Variants in CAMTA1 observed in about 807,000 individuals in gnomAD.
The protein encoded by CAMTA1 is calmodulin binding transcription activator 1.
Under a neutral mutation model 170.9 loss-of-function variants are expected in CAMTA1, and 27 were observed. That is an observed-to-expected ratio of 0.16 (90% CI 0.12 to 0.22). The LOEUF is 0.22. Ranked by LOEUF, CAMTA1 falls within the 10% of genes least tolerant of loss-of-function variation. The pLI is 1.00. For synonymous variants in CAMTA1, 833 were observed against 891.5 expected (o/e 0.93, Z 1.17); for missense variants, 1,619 against 2,217.2 (o/e 0.73, Z 5.42).
At chr1:7,037,646 TG>T (rs1170034422) in intron 3 of CAMTA1, among the ~76,000 whole-genome samples, 2 of 152,124 alleles carry the variant, frequency 1.3e-5, no homozygotes, top group African/African-American at 2.4e-5. Context: ...GAGACTATCC[TG>T]GCTAACACGG....
At chr1:7,027,082 G>C (rs1702124974) in intron 3 of CAMTA1, among the ~76,000 whole-genome samples, 1 of 152,174 alleles carries the variant, frequency 6.6e-6, no homozygotes, top group African/African-American at 2.4e-5. Context: ...GTGAACCATG[G>C]TTGAAGTCTG....
rs143782512 is a variant in CAMTA1, at chr1:7,701,448, C to T, written c.2914+23715C>T. On this transcript the variant is annotated intron_variant, in intron 11 of 22. Transcript: ENST00000303635. The stretch of plus-strand genomic sequence containing the variant: ...TCCCCCTTTTTGAGACAGGGTCTTG[C>T]TCTGTTGCCCAGGCTGGAATGCAGT... 8.8e-3 allele frequency among the ~76,000 whole-genome samples: 1,335 copies of T among 152,228 alleles called. 13 individuals carry two copies. Among genetic ancestry groups the T allele is most frequent in the African/African-American group, 0.029 (1,207 of 41,526 alleles).
intron 6 of CAMTA1, among the ~76,000 whole-genome samples, chr1:7,605,769 C>T (rs1557992279): frequency 2.0e-5 from 3 of 152,340 alleles, no homozygotes; most frequent in South Asian, 2.1e-4. Context: ...CTGTCTTCTG[C>T]GTCGCTCATG....
chr1:7,334,477 C>G (rs142154129), intron 5 of CAMTA1, among the ~76,000 whole-genome samples: 36 of 152,324 alleles, frequency 2.4e-4, no homozygotes, highest in African/African-American at 8.2e-4. Context: ...TAGCATGTAG[C>G]TAATATTAAG....
chr1:7,708,583 A>T (rs979018733), intron 11 of CAMTA1, among the ~76,000 whole-genome samples: 3 of 152,172 alleles, frequency 2.0e-5, no homozygotes, highest in African/African-American at 4.8e-5. Context: ...TGATAGACTA[A>T]CTGGAATTTT....
chr1:7,424,269 A>T (rs912527960), intron 5 of CAMTA1, among the ~76,000 whole-genome samples: 1 of 152,100 alleles, frequency 6.6e-6, no homozygotes, highest in East Asian at 1.9e-4. Flanking sequence ...ACATCAATAG[A>T]CATTTTTTAA....
chr1:7,323,998 G>A (rs1678894211), intron 5 of CAMTA1, among the ~76,000 whole-genome samples: 1 of 152,142 alleles, frequency 6.6e-6, no homozygotes, highest in Admixed American at 6.5e-5. Flanking sequence ...TATATGTTTG[G>A]TCAGATTTAT....
At chr1:7,372,764 G>C (rs193092477) in intron 5 of CAMTA1, among the ~76,000 whole-genome samples, 270 of 152,358 alleles carry the variant, frequency 1.8e-3, no homozygotes, top group African/African-American at 6.3e-3. Context: ...GTGATGCACA[G>C]AGAGATGAGA....
At chr1:7,358,931 G>A (rs1207398264) in intron 5 of CAMTA1, among the ~76,000 whole-genome samples, 4 of 152,134 alleles carry the variant, frequency 2.6e-5, no homozygotes, top group Non-Finnish European at 5.9e-5. Context: ...AAGCAGAGGA[G>A]CCTCCAGCCC....
chr1:7,348,309 C>T (rs562636129), intron 5 of CAMTA1, among the ~76,000 whole-genome samples: 63 of 152,370 alleles, frequency 4.1e-4, no homozygotes, highest in Admixed American at 2.0e-3. Flanking sequence ...CTGACTGCCT[C>T]ATTCCCATGC....
In CAMTA1 at chr1:7,746,761, C is replaced by T. The variant is rs190441265; in HGVS notation, c.4617+670C>T. On this transcript the variant is annotated intron_variant, in intron 18 of 22. Transcript: ENST00000303635. ...AGGTGATTCTCCTGCCTCAGCCTCC[C>T]AAGTAGCTGGAATTACTGGCGCGTG... Among the ~76,000 whole-genome samples, 277 of 152,328 alleles carry T rather than the reference C, an allele frequency of 1.8e-3. 1 individual carries two copies. Among genetic ancestry groups the T allele is most frequent in the African/African-American group, 6.6e-3 (276 of 41,582 alleles).
At chr1:7,337,166 G>A (rs1209215995) in intron 5 of CAMTA1, among the ~76,000 whole-genome samples, 2 of 152,184 alleles carry the variant, frequency 1.3e-5, no homozygotes, top group African/African-American at 4.8e-5. Context: ...GTGGTTCTAG[G>A]AGGCCTGGCT....
chr1:7,139,975 G>A (rs1055234249), intron 4 of CAMTA1, among the ~76,000 whole-genome samples: 11 of 152,174 alleles, frequency 7.2e-5, no homozygotes, highest in Non-Finnish European at 1.5e-4. Context: ...CATTTATTGA[G>A]TGTTTACTCT....
At chr1:7,711,402 T>TG (rs2096569738) in intron 11 of CAMTA1, among the ~76,000 whole-genome samples, 1 of 152,082 alleles carries the variant, frequency 6.6e-6, no homozygotes, top group Admixed American at 6.5e-5. Context: ...GGTGCCCTGA[T>TG]CAGGGATGAA....
chr1:6,926,198 C>T lies in CAMTA1; in HGVS notation c.234+100988C>T, dbSNP rs1388149813. Among the ~76,000 whole-genome samples, 4 of 152,286 alleles carry T rather than the reference C, an allele frequency of 2.6e-5. No individual in the cohort carries two copies. The South Asian group carries it at 6.2e-4, about 24-fold the overall frequency. On this transcript the variant is annotated intron_variant, in intron 3 of 22. Coordinates refer to ENST00000303635, the MANE Select transcript of CAMTA1 (RefSeq NM_015215.4). ...ATCACTCTCATCATGCCTATCTGCCCCACGTTGGGAGGGGATGGGCCAAGT... is the reference window on the plus strand; with the variant it reads ...ATCACTCTCATCATGCCTATCTGCCTCACGTTGGGAGGGGATGGGCCAAGT...
At chr1:7,505,599 C>G (rs2094092424) in intron 6 of CAMTA1, among the ~76,000 whole-genome samples, 1 of 152,184 alleles carries the variant, frequency 6.6e-6, no homozygotes, top group Non-Finnish European at 1.5e-5. Context: ...GGCGGTGCCC[C>G]AGGGGCAGGG....
chr1:7,491,556 G>A (rs1476343979), intron 6 of CAMTA1, among the ~76,000 whole-genome samples: 2 of 152,150 alleles, frequency 1.3e-5, no homozygotes, highest in African/African-American at 4.8e-5. Flanking sequence ...TCTGGGCGGG[G>A]AAAAAGGCAG....
intron 7 of CAMTA1, among the ~76,000 whole-genome samples, chr1:7,647,695 C>A (rs1214699661): frequency 6.6e-6 from 1 of 152,206 alleles, no homozygotes; most frequent in East Asian, 1.9e-4. Flanking sequence ...TCCAGTATCA[C>A]CTGGCTGGCT....
chr1:7,659,561 A>T (rs2095936690), intron 7 of CAMTA1, among the ~76,000 whole-genome samples: 1 of 148,544 alleles, frequency 6.7e-6, no homozygotes, highest in Non-Finnish European at 1.5e-5. Flanking sequence ...AAGAAAAACC[A>T]TCAGAGTTAT....
Sources: gnomAD v4.1 joint callset for allele counts (sites outside exome capture counted in the v4.1 genomes callset) on GRCh38, gnomAD v4.1.1 for gene constraint, MANE v1.5 for transcripts, NCBI Gene and HGNC (gene_info 2026-07-23, HGNC 2026-07-21) for gene names.